Variants in CEMIP2 observed in about 807,000 individuals in gnomAD.
The protein encoded by CEMIP2 is cell surface hyaluronidase CEMIP2.
CEMIP2 carries 79 observed loss-of-function variants against 146.9 expected under a neutral mutation model. That is an observed-to-expected ratio of 0.54 (90% CI 0.45 to 0.65). The LOEUF is 0.65. Among genes scored for constraint, CEMIP2 ranks in the 30% least tolerant of loss-of-function variants. CEMIP2 has a pLI of 0.00. For missense variants in CEMIP2, 1,596 were observed against 1,696.2 expected (o/e 0.94, Z 1.04); for synonymous variants, 601 against 606.3 (o/e 0.99, Z 0.13).
At chr9:71,720,177 A>G (rs978444253) in intron 12 of CEMIP2, among the ~76,000 whole-genome samples, 4 of 152,188 alleles carry the variant, frequency 2.6e-5, no homozygotes, top group African/African-American at 9.7e-5. Flanking sequence ...ACTCTTGTAG[A>G]TTAAATTTCC....
chr9:71,765,913 T>C (rs1308566937), intron 1 of CEMIP2, among the ~76,000 whole-genome samples: 2 of 151,982 alleles, frequency 1.3e-5, no homozygotes, highest in African/African-American at 4.8e-5. Flanking sequence ...CCACAATAGG[T>C]GATTAATAAG....
chr9:71,751,046 T>A (rs1217592774), intron 1 of CEMIP2, among the ~76,000 whole-genome samples: 1 of 152,354 alleles, frequency 6.6e-6, no homozygotes, highest in Non-Finnish European at 1.5e-5. Flanking sequence ...AGTATCCAGC[T>A]GGAATGTATG....
In CEMIP2 at chr9:71,734,858, C is replaced by A; in HGVS notation, c.1341G>T (p.Glu447Asp). The change falls in exon 6 of 24, where the codon GAG becomes GAT. Residue 447 changes from glutamate to aspartate, a missense_variant. By Grantham distance (45) the Glu-to-Asp change is conservative. Transcript: ENST00000377044. ...ATTCAGAACAGGGAAGAAGAGTGAA[C>A]TCCTCTGCTTGGTACATGGAATAGT... ...STDYSMYQAE[E>D]FTLLPCSECS... The A allele has an allele frequency of 6.2e-7, 1 of 1,613,872 alleles. No homozygotes were observed. Among genetic ancestry groups the A allele is most frequent in the Non-Finnish European group, 8.5e-7 (1 of 1,179,884 alleles).
chr9:71,693,133 T>A (rs1225253522), intron 21 of CEMIP2, among the ~76,000 whole-genome samples: 1 of 152,126 alleles, frequency 6.6e-6, no homozygotes, highest in Admixed American at 6.5e-5. Context: ...ATAAAAAAAT[T>A]AAGAAAAAAA....
intron 13 of CEMIP2, 118 bp from the exon 14 acceptor site, chr9:71,716,670 T>G (rs939198913): frequency 4.0e-6 from 3 of 747,736 alleles, no homozygotes; most frequent in South Asian, 2.7e-5. Flanking sequence ...ACTCTCTACA[T>G]GACCACACAA....
rs946056845 is a variant in CEMIP2 at position 71,684,187 on chromosome 9, G to A, written c.*1010C>T. The A allele has an allele frequency of 2.0e-5, 3 of 151,896 alleles. No individual in the cohort carries two copies. The highest frequency in any genetic ancestry group is 4.4e-5 in the Non-Finnish European group (3 of 67,994). The allele number at this position is 151,896 out of a possible 1,614,324, so 9.4% of individuals were successfully genotyped here. ...AAAGCGCTCCTTTTTTTCCTCCCTG[G>A]GTGTAATCATTTTGGGGTATCATTA... On this transcript the variant is annotated 3_prime_UTR_variant, in exon 24 of 24. Coordinates refer to ENST00000377044, the MANE Select transcript of CEMIP2 (RefSeq NM_013390.3).
intron 11 of CEMIP2, among the ~76,000 whole-genome samples, chr9:71,723,954 A>T (rs1873592): frequency 0.55 from 83,398 of 152,090 alleles, 25,692 homozygotes; most frequent in East Asian, 0.71. Context: ...ACTCATGTCA[A>T]TTAAATTTAA....
At chr9:71,751,173 G>A (rs1041246137) in intron 1 of CEMIP2, among the ~76,000 whole-genome samples, 3 of 152,132 alleles carry the variant, frequency 2.0e-5, no homozygotes, top group African/African-American at 7.2e-5. Flanking sequence ...ACAAAGTTGT[G>A]TGACCATCAC....
chr9:71,715,203 T>C, intron 14 of CEMIP2, 114 bp from the exon 15 acceptor site: 1 of 1,143,302 alleles, frequency 8.7e-7, no homozygotes, highest in South Asian at 1.7e-5. Flanking sequence ...GTCAATAGCT[T>C]TTCTAATACA....
chr9:71,701,040 A>G (rs1402544581), intron 18 of CEMIP2, among the ~76,000 whole-genome samples: 1 of 152,148 alleles, frequency 6.6e-6, no homozygotes, highest in African/African-American at 2.4e-5. Context: ...CTGTTGCTCA[A>G]ATTTCTCATA....
At position 71,685,842 on chromosome 9, in the gene CEMIP2, T is replaced by G; in HGVS notation, c.3856A>C (p.Ile1286Leu). The G allele has an allele frequency of 6.2e-7, 1 of 1,612,758 alleles. No homozygotes were observed. Among genetic ancestry groups the G allele is most frequent in the Non-Finnish European group, 8.5e-7 (1 of 1,178,928 alleles). The change falls in exon 23 of 24, where the codon ATT (isoleucine) becomes CTT (leucine). Residue 1286 changes from isoleucine to leucine, a missense_variant. By Grantham distance (5) the Ile-to-Leu change is conservative (BLOSUM62 2). Transcript: ENST00000377044. ...TCTCCTCTTGTGCTCAACAGAACAA[T>G]GGACCTGTATGTGAAATTTAGAAAG... ...YLKTGIPPRSIVLLSTRGEIK... is the reference protein window; with the variant it reads ...YLKTGIPPRSLVLLSTRGEIK...
At position 71,709,411 on chromosome 9, in the gene CEMIP2, C is replaced by A; in HGVS notation, c.2833G>T (p.Asp945Tyr). ...PWFEDCEMDGDKNSIFHDIDG... is the reference protein window; with the variant it reads ...PWFEDCEMDGYKNSIFHDIDG... ...ATGTCATGGAATATGGAGTTCTTAT[C>A]ACCATCCATCTCACAATCTTCAAAC... The change falls in exon 17 of 24, where the codon GAT (aspartate) becomes TAT (tyrosine). Residue 945 changes from aspartate (D) to tyrosine (Y), a missense_variant. Transcript: ENST00000377044. 1 of 1,614,186 alleles carries A rather than the reference C, an allele frequency of 6.2e-7. No homozygotes were observed. Among genetic ancestry groups the A allele is most frequent in the African/African-American group, 1.3e-5 (1 of 75,054 alleles).
chr9:71,712,404 G>C, intron 15 of CEMIP2, 144 bp from the exon 16 acceptor site: 1 of 692,100 alleles, frequency 1.4e-6, no homozygotes, highest in Non-Finnish European at 2.4e-6. Flanking sequence ...CAAGATACCT[G>C]ATTGAATGAA....
At chr9:71,741,850 T>C (rs989270185) in intron 4 of CEMIP2, among the ~76,000 whole-genome samples, 2 of 151,928 alleles carry the variant, frequency 1.3e-5, no homozygotes, top group African/African-American at 4.8e-5. Flanking sequence ...TTCACCATGT[T>C]GGCCAAGCTG....
At position 71,709,381 on chromosome 9, in the gene CEMIP2, C is replaced by T. The variant is rs760666307; in HGVS notation, c.2863G>A (p.Gly955Ser). 1.4e-5 allele frequency: 22 copies of T among 1,614,060 alleles called. No individual in the cohort carries two copies. In the South Asian group the frequency reaches 2.3e-4, roughly 17 times the overall value. Residue 955 changes from glycine to serine, a missense_variant, in exon 17 of 24, where the codon GGC becomes AGC. By Grantham distance (56) the Gly-to-Ser change is moderately conservative (BLOSUM62 0). Transcript: ENST00000377044. The part of the protein sequence containing the change: ...DKNSIFHDID[G>S]SVTGYKDAYV... ...GCATCCTTGTATCCTGTCACAGAGC[C>T]ATCAATGTCATGGAATATGGAGTTC...
chr9:71,715,017 C>G lies in CEMIP2; in HGVS notation c.2508G>C (p.Arg836Ser). 1 of 1,613,986 alleles carries G rather than the reference C, an allele frequency of 6.2e-7. No individual in the cohort carries two copies. Among genetic ancestry groups the G allele is most frequent in the Non-Finnish European group, 8.5e-7 (1 of 1,179,948 alleles). Reference sequence around the variant, plus strand: ...TCTGACCACCCTGAAAGCCGTAATTCCTGCTCTCCCCAACAAAGAGAGATT... The same window carrying G: ...TCTGACCACCCTGAAAGCCGTAATTGCTGCTCTCCCCAACAAAGAGAGATT... ...VSESLFVGES[R>S]NYGFQGGQNK... The change falls in exon 15 of 24, where the codon AGG becomes AGC. Residue 836 changes from arginine to serine, a missense_variant. Transcript: ENST00000377044.
intron 19 of CEMIP2, among the ~76,000 whole-genome samples, chr9:71,698,946 A>C (rs916582940): frequency 2.6e-5 from 4 of 151,774 alleles, no homozygotes; most frequent in African/African-American, 9.7e-5. Flanking sequence ...TTCACATTTT[A>C]ATGAGGTCAA....
chr9:71,752,436 C>T (rs972356543), intron 1 of CEMIP2, among the ~76,000 whole-genome samples: 1 of 1,062 alleles, frequency 9.4e-4, no homozygotes, highest in Non-Finnish European at 1.8e-3. Context: ...TTGAATGAAA[C>T]CTTACTTTGT....
Position 71,750,206 on chromosome 9 carries a change from GTCT to G in CEMIP2, c.165_167del (p.Glu55del), listed in dbSNP as rs1824206857. On this transcript the variant is annotated inframe_deletion, in exon 2 of 24. Transcript: ENST00000377044. ...CAGGTGAGAATGCGAAGGTTGCCCG[GTCT>G]TCTCGTCTGATGGAGGTAAATTTGG... 6.2e-7 allele frequency: 1 copy of G among 1,614,100 alleles called. No individual in the cohort carries two copies. The highest frequency in any genetic ancestry group is 2.2e-5 in the East Asian group (1 of 44,880).
Sources: allele counts gnomAD v4.1 joint callset (sites outside exome capture counted in the v4.1 genomes callset), GRCh38; gene constraint gnomAD v4.1.1; transcripts MANE v1.5; gene names NCBI Gene and HGNC (gene_info 2026-07-23, HGNC 2026-07-21).